RBFOX1: variants seen among roughly 807,000 people sequenced by gnomAD.
The protein encoded by RBFOX1 is RNA binding fox-1 homolog 1.
A neutral mutation model predicts 57.7 loss-of-function variants in RBFOX1; 8 were observed. The observed-to-expected ratio is 0.14, with a 90% CI of 0.08 to 0.25. The LOEUF is 0.25. Ranked by LOEUF, RBFOX1 falls within the 10% of genes least tolerant of loss-of-function variation. The pLI is 1.00. For synonymous variants in RBFOX1, 326 were observed against 222.4 expected, an observed-to-expected ratio of 1.47 and a Z score of -4.15; for missense variants, 611 against 548.5, an observed-to-expected ratio of 1.11 and a Z score of -1.14.
chr16:6,578,232 C>G (rs1251409237), intron 2 of RBFOX1, among the ~76,000 whole-genome samples: 1 of 152,112 alleles, frequency 6.6e-6, no homozygotes, highest in Non-Finnish European at 1.5e-5. Flanking sequence ...TGTGAGAAAA[C>G]TTTTGCAAGT....
intron 1 of RBFOX1, chr16:5,467,174 T>TTCTCTCTCTATC: frequency 7.9e-7 from 1 of 1,264,276 alleles, no homozygotes; most frequent in Non-Finnish European, 1.1e-6. Context: ...TCAATGTTTC[T>TTCTCTCTCTATC]TCTCTCTCTC....
intron 4 of RBFOX1, among the ~76,000 whole-genome samples, chr16:7,399,284 C>T (rs1484194598): frequency 2.0e-5 from 3 of 146,862 alleles, no homozygotes; most frequent in African/African-American, 8.2e-5. Context: ...CCCATCTCTA[C>T]TAAAAATACA....
chr16:6,448,010 A>G (rs1157147136), intron 2 of RBFOX1, among the ~76,000 whole-genome samples: 2 of 152,096 alleles, frequency 1.3e-5, no homozygotes, highest in Non-Finnish European at 2.9e-5. Flanking sequence ...AACTTTAAGC[A>G]TGGTAGTTAG....
At chr16:6,488,985 A>T (rs41416145) in intron 2 of RBFOX1, among the ~76,000 whole-genome samples, 28,847 of 152,132 alleles carry the variant, frequency 0.19, 2,753 homozygotes, top group Middle Eastern at 0.26. Context: ...TGTGACTAGG[A>T]TCATGATGCA....
chr16:5,388,672 G>C (rs1010607077), intron 1 of RBFOX1, among the ~76,000 whole-genome samples: 2 of 152,098 alleles, frequency 1.3e-5, no homozygotes, highest in East Asian at 3.9e-4. Flanking sequence ...CACCTCCCGG[G>C]TTCAAGCGAT....
intron 3 of RBFOX1, among the ~76,000 whole-genome samples, chr16:5,658,349 C>G (rs1429006823): frequency 6.6e-6 from 1 of 152,110 alleles, no homozygotes; most frequent in Non-Finnish European, 1.5e-5. Context: ...CTGAAACAAG[C>G]TGAGGGGACC....
At chr16:5,531,997 A>G (rs1343066955) in intron 2 of RBFOX1, among the ~76,000 whole-genome samples, 1 of 151,926 alleles carries the variant, frequency 6.6e-6, no homozygotes, top group Non-Finnish European at 1.5e-5. Context: ...ATGGAGTTTC[A>G]CCTTGTTGGC....
chr16:5,633,613 C>T (rs1331400172), intron 3 of RBFOX1, among the ~76,000 whole-genome samples: 1 of 152,132 alleles, frequency 6.6e-6, no homozygotes, highest in African/African-American at 2.4e-5. Flanking sequence ...GTGGCTCACG[C>T]CTGTAATCCC....
chr16:5,351,071 G>A (rs1229800250), intron 1 of RBFOX1, among the ~76,000 whole-genome samples: 1 of 152,128 alleles, frequency 6.6e-6, no homozygotes, highest in Non-Finnish European at 1.5e-5. Context: ...TTGCGCTGGT[G>A]GAAGCAGGTT....
chr16:7,323,280 C>T (rs1000793195), intron 4 of RBFOX1, among the ~76,000 whole-genome samples: 2 of 152,202 alleles, frequency 1.3e-5, no homozygotes, highest in South Asian at 2.1e-4. Context: ...TAAAAATTGC[C>T]AGACGTGCTG....
At chr16:6,130,043 G>T (rs181636964) in intron 1 of RBFOX1, among the ~76,000 whole-genome samples, 136 of 152,222 alleles carry the variant, frequency 8.9e-4, no homozygotes, top group African/African-American at 3.2e-3. Flanking sequence ...GATCAAATAT[G>T]AAAGGAAATG....
At chr16:7,495,839 C>T (rs1488939153) in intron 4 of RBFOX1, among the ~76,000 whole-genome samples, 1 of 152,112 alleles carries the variant, frequency 6.6e-6, no homozygotes, top group Non-Finnish European at 1.5e-5. Flanking sequence ...CACCTGTTCC[C>T]CAAAAACCAA....
intron 4 of RBFOX1, among the ~76,000 whole-genome samples, chr16:5,904,074 C>T (rs573942547): frequency 2.0e-5 from 3 of 152,216 alleles, no homozygotes; most frequent in East Asian, 3.9e-4. Flanking sequence ...CAGCATGTTC[C>T]CTGCTCCCCT....
chr16:7,005,664 C>T (rs930637880), intron 3 of RBFOX1, among the ~76,000 whole-genome samples: 4 of 152,184 alleles, frequency 2.6e-5, no homozygotes, highest in Non-Finnish European at 5.9e-5. Context: ...CAAACAATTT[C>T]ATAGAATATC....
chr16:5,882,285 C>A (rs1257496095), intron 4 of RBFOX1, among the ~76,000 whole-genome samples: 2 of 152,182 alleles, frequency 1.3e-5, no homozygotes, highest in Non-Finnish European at 2.9e-5. Context: ...AACTGAGGTG[C>A]AGTCACCTTA....
chr16:7,580,912 A>G (rs917937153), intron 6 of RBFOX1, among the ~76,000 whole-genome samples: 3 of 152,200 alleles, frequency 2.0e-5, no homozygotes, highest in African/African-American at 7.2e-5. Context: ...CTTCTCAGAG[A>G]CTCTTCCTCT....
intron 1 of RBFOX1, among the ~76,000 whole-genome samples, chr16:5,375,085 CAAAAAAAAAAAAAA>C (rs576765968): frequency 5.4e-5 from 2 of 37,080 alleles, no homozygotes; most frequent in African/African-American, 1.4e-4. Flanking sequence ...TTTAAATGGC[CAAAAAAAAAAAAAA>C]AAAAAAAAAA....
chr16:6,199,807 T>C (rs1417575819), intron 1 of RBFOX1, among the ~76,000 whole-genome samples: 1 of 152,148 alleles, frequency 6.6e-6, no homozygotes, highest in African/African-American at 2.4e-5. Context: ...GGATGCTTGT[T>C]AGCACAACAA....
intron 1 of RBFOX1, among the ~76,000 whole-genome samples, chr16:5,259,566 G>T (rs1596325125): frequency 6.6e-6 from 1 of 152,216 alleles, no homozygotes; most frequent in African/African-American, 2.4e-5. Context: ...TTCAGTGGGT[G>T]CTCAGTGGAA....
Sources: gnomAD v4.1 joint callset for allele counts (sites outside exome capture counted in the v4.1 genomes callset) on GRCh38, gnomAD v4.1.1 for gene constraint, MANE v1.5 for transcripts, NCBI Gene and HGNC (gene_info 2026-07-23, HGNC 2026-07-21) for gene names.